Variants in TENM3 observed in about 807,000 individuals in gnomAD.
TENM3 encodes teneurin-3.
TENM3 carries 63 observed loss-of-function variants against 255.1 expected under a neutral mutation model. That is an observed-to-expected ratio of 0.25 (90% CI 0.20 to 0.30). TENM3 has a LOEUF of 0.30. Ranked by LOEUF, TENM3 falls within the 10% of genes least tolerant of loss-of-function variation. The pLI, the probability that TENM3 is intolerant of heterozygous loss-of-function variation, is 1.00. For missense variants in TENM3, 2,929 were observed against 3,461.1 expected (o/e 0.85, Z 3.86); for synonymous variants, 1,306 against 1,322.3 (o/e 0.99, Z 0.27).
chr4:181,454,814 C>T, the TENM3 span, among the ~76,000 whole-genome samples: 3 of 151,656 alleles, frequency 2.0e-5, no homozygotes, highest in South Asian at 6.2e-4. Flanking sequence ...ATAGGCTGTG[C>T]TTTACAGCCT....
At chr4:181,817,820 G>C in the TENM3 span, among the ~76,000 whole-genome samples, 1 of 152,140 alleles carries the variant, frequency 6.6e-6, no homozygotes, top group Admixed American at 6.6e-5. Context: ...CCAGCCTCTA[G>C]AACTGTAAGA....
intron 22 of TENM3, among the ~76,000 whole-genome samples, chr4:182,771,845 C>T (rs1764257133): frequency 6.6e-6 from 1 of 152,166 alleles, no homozygotes. Flanking sequence ...TTCAGCTCTG[C>T]CTTTTGTGAG....
intron 1 of TENM3, among the ~76,000 whole-genome samples, chr4:182,266,192 A>C (rs2150190994): frequency 6.6e-6 from 1 of 152,354 alleles, no homozygotes; most frequent in South Asian, 2.1e-4. Flanking sequence ...CAAAAATAGA[A>C]GTTGCTAAGA....
chr4:182,242,196 T>C (rs937908052), upstream of TENM3, among the ~76,000 whole-genome samples: 3 of 152,070 alleles, frequency 2.0e-5, no homozygotes, highest in Admixed American at 6.6e-5. Context: ...CTCCTAATGC[T>C]ATCCCTCCCC....
chr4:182,725,512 G>A (rs1226534274), intron 13 of TENM3, among the ~76,000 whole-genome samples: 1 of 151,788 alleles, frequency 6.6e-6, no homozygotes, highest in African/African-American at 2.4e-5. Flanking sequence ...TCTTCCACTA[G>A]AAATATTGAG....
At chr4:182,572,839 G>T (rs917329768) in intron 3 of TENM3, among the ~76,000 whole-genome samples, 1 of 152,158 alleles carries the variant, frequency 6.6e-6, no homozygotes, top group African/African-American at 2.4e-5. Flanking sequence ...TTAGGATCTT[G>T]TGGGGGTCAG....
At chr4:182,647,041 T>C (rs1386048431) in intron 5 of TENM3, among the ~76,000 whole-genome samples, 1 of 152,196 alleles carries the variant, frequency 6.6e-6, no homozygotes, top group South Asian at 2.1e-4. Context: ...CTAAACCATT[T>C]GTAAACATGC....
In TENM3 at chr4:182,800,503, C is replaced by CT; in HGVS notation, c.*158dup. On this transcript the variant is annotated 3_prime_UTR_variant, in exon 28 of 28. Transcript: ENST00000511685. ...ACCCACACCGCGAAAACAAGGACCGCTTTTTTCCGAATGACCTTAAAGGTG... is the reference window on the plus strand; with the variant it reads ...ACCCACACCGCGAAAACAAGGACCGCTTTTTTTCCGAATGACCTTAAAGGTG... 1.1e-6 allele frequency: 1 copy of CT among 933,852 alleles called. No individual in the cohort carries two copies. The highest frequency in any genetic ancestry group is 1.5e-6 in the Non-Finnish European group (1 of 649,688). 57.8% of individuals were successfully genotyped at this position (933,852 alleles called of 1,614,324 possible).
intron 24 of TENM3, among the ~76,000 whole-genome samples, chr4:182,786,555 TTAA>T (rs1561252014): frequency 1.7e-4 from 13 of 74,960 alleles, no homozygotes; most frequent in Admixed American, 4.9e-4. Flanking sequence ...AGACCCCGTC[TTAA>T]AAAAAAAAAA....
chr4:182,363,096 C>G (rs941396618), intron 3 of TENM3, among the ~76,000 whole-genome samples: 10 of 152,062 alleles, frequency 6.6e-5, no homozygotes, highest in African/African-American at 1.9e-4. Flanking sequence ...CATTCTTATC[C>G]AAAATTGACA....
At chr4:182,154,046 T>G (rs765099172) in intron 1 of TENM3, among the ~76,000 whole-genome samples, 1 of 152,174 alleles carries the variant, frequency 6.6e-6, no homozygotes, top group Non-Finnish European at 1.5e-5. Context: ...TGATACCTTC[T>G]AATGTAATTT....
the TENM3 span, among the ~76,000 whole-genome samples, chr4:182,031,374 C>T: frequency 6.6e-6 from 1 of 151,400 alleles, no homozygotes; most frequent in African/African-American, 2.4e-5. Context: ...AGACATGTGG[C>T]CCTATTTCTG....
At chr4:181,931,495 A>G in the TENM3 span, among the ~76,000 whole-genome samples, 1 of 152,194 alleles carries the variant, frequency 6.6e-6, no homozygotes, top group Non-Finnish European at 1.5e-5. Context: ...ACTACAAACC[A>G]CTACTCAAGG....
chr4:182,765,157 C>CTT (rs768728609), intron 22 of TENM3, among the ~76,000 whole-genome samples: 3 of 151,924 alleles, frequency 2.0e-5, no homozygotes, highest in Non-Finnish European at 4.4e-5. Context: ...CTGATTGGAA[C>CTT]TTAGAGGACA....
At chr4:181,775,438 A>G in the TENM3 span, among the ~76,000 whole-genome samples, 1 of 152,048 alleles carries the variant, frequency 6.6e-6, no homozygotes, top group African/African-American at 2.4e-5. Context: ...AATTCATTTT[A>G]TTGGTTACAG....
the TENM3 span, among the ~76,000 whole-genome samples, chr4:182,049,996 A>AC: frequency 1.0e-5 from 1 of 96,480 alleles, no homozygotes; most frequent in Non-Finnish European, 2.7e-5. Flanking sequence ...TTTAATTAAA[A>AC]AAAAATTTTT....
the TENM3 span, among the ~76,000 whole-genome samples, chr4:181,914,276 T>C: frequency 6.6e-6 from 1 of 152,168 alleles, no homozygotes; most frequent in Admixed American, 6.6e-5. Context: ...CTTTTGCCTT[T>C]GCTAATACTG....
intron 3 of TENM3, among the ~76,000 whole-genome samples, chr4:182,429,382 G>T (rs1771462428): frequency 6.6e-6 from 1 of 152,052 alleles, no homozygotes; most frequent in African/African-American, 2.4e-5. Context: ...ATATTTGATT[G>T]TGAAGTTTAT....
At chr4:181,949,139 T>C in the TENM3 span, among the ~76,000 whole-genome samples, 1 of 152,134 alleles carries the variant, frequency 6.6e-6, no homozygotes, top group African/African-American at 2.4e-5. Flanking sequence ...GTAAAAGACA[T>C]TTATGTGGCC....
Sources: gnomAD v4.1 joint callset for allele counts (sites outside exome capture counted in the v4.1 genomes callset) on GRCh38, gnomAD v4.1.1 for gene constraint, MANE v1.5 for transcripts, NCBI Gene and HGNC (gene_info 2026-07-23, HGNC 2026-07-21) for gene names.